SMYD3: variants seen among roughly 807,000 people sequenced by gnomAD.
SMYD3 encodes histone-lysine N-methyltransferase SMYD3.
Under a neutral mutation model 57.7 loss-of-function variants are expected in SMYD3, and 36 were observed. The ratio of observed to expected loss-of-function variants is 0.62; its 90% CI spans 0.48 to 0.82. The LOEUF (loss-of-function observed/expected upper bound fraction) is 0.82. Ranked by LOEUF, SMYD3 falls within the 40% of genes least tolerant of loss-of-function variation. The probability of loss-of-function intolerance (pLI) is 0.00; values close to 1 mark genes in which losing one functional copy is unlikely to be tolerated. For missense variants in SMYD3, 515 were observed against 538.8 expected (o/e 0.96, Z 0.44); for synonymous variants, 211 against 195.0 (o/e 1.08, Z -0.68).
At chr1:246,352,101 C>A (rs1234511639) in intron 2 of SMYD3, among the ~76,000 whole-genome samples, 1 of 135,950 alleles carries the variant, frequency 7.4e-6, no homozygotes, top group African/African-American at 2.8e-5. Flanking sequence ...GGCACCACTG[C>A]ACCCCAGCCT....
chr1:245,993,139 G>A (rs2058842877), intron 5 of SMYD3, among the ~76,000 whole-genome samples: 2 of 152,226 alleles, frequency 1.3e-5, no homozygotes, highest in South Asian at 4.1e-4. Context: ...TCCAGATACT[G>A]TTTGAAGCGT....
intron 5 of SMYD3, among the ~76,000 whole-genome samples, chr1:246,227,197 T>C (rs1399512585): frequency 3.9e-5 from 6 of 152,216 alleles, no homozygotes; most frequent in Non-Finnish European, 1.5e-5. Flanking sequence ...CATGGTTAGA[T>C]GTACTTTCCA....
intron 10 of SMYD3, among the ~76,000 whole-genome samples, chr1:245,822,218 T>C (rs1448308855): frequency 6.6e-6 from 1 of 151,976 alleles, no homozygotes; most frequent in African/African-American, 2.4e-5. Context: ...TATGCAGCCA[T>C]ACAAAATGAT....
intron 1 of SMYD3, among the ~76,000 whole-genome samples, chr1:246,453,908 CTAATAAAGCACTGAAGTTGGGTGAGGAT>C (rs1189005643): frequency 6.6e-6 from 1 of 152,164 alleles, no homozygotes; most frequent in Non-Finnish European, 1.5e-5. Flanking sequence ...ATTTTAACTA[CTAATAAAGCACTGAAGTTGGGTGAGGAT>C]CTGATGGAAC....
chr1:246,463,535 G>A lies in SMYD3; in HGVS notation c.164+43519C>T, dbSNP rs115584338. ...CTAGACAGTTAAATACAAGAGTGTG[G>A]GGCCAGGCACGGTGGCTCACGCCTG... On this transcript the variant is annotated intron_variant, in intron 1 of 11. Transcript: ENST00000490107. 8.1e-3 allele frequency among the ~76,000 whole-genome samples: 1,234 copies of A among 152,010 alleles called. 12 individuals are homozygous for A. The highest frequency in any genetic ancestry group is 0.028 in the African/African-American group (1,155 of 41,468).
intron 5 of SMYD3, among the ~76,000 whole-genome samples, chr1:246,267,214 G>A (rs757693532): frequency 2.0e-4 from 30 of 152,066 alleles, no homozygotes; most frequent in South Asian, 2.1e-4. Context: ...TACATACTTG[G>A]CCAAAGAAGA....
intron 10 of SMYD3, among the ~76,000 whole-genome samples, chr1:245,784,060 G>T (rs1292080121): frequency 6.6e-6 from 1 of 152,200 alleles, no homozygotes; most frequent in Non-Finnish European, 1.5e-5. Flanking sequence ...AAAGGCAAAG[G>T]AACTAGAGCA....
intron 5 of SMYD3, among the ~76,000 whole-genome samples, chr1:245,965,800 A>G (rs987776960): frequency 1.3e-5 from 2 of 152,246 alleles, no homozygotes; most frequent in Non-Finnish European, 2.9e-5. Context: ...TGACGCTCTA[A>G]CAGTGAAGAC....
chr1:246,353,681 C>T (rs978487757), intron 2 of SMYD3, among the ~76,000 whole-genome samples: 1 of 152,156 alleles, frequency 6.6e-6, no homozygotes, highest in Non-Finnish European at 1.5e-5. Flanking sequence ...ACTTCAGAGC[C>T]TACTAGTTAC....
At chr1:246,130,842 G>A (rs1054362860) in intron 5 of SMYD3, among the ~76,000 whole-genome samples, 9 of 151,948 alleles carry the variant, frequency 5.9e-5, no homozygotes, top group South Asian at 2.1e-4. Context: ...GTTCTAAATC[G>A]TCATAATCAT....
At chr1:245,904,989 T>C (rs530936154) in intron 8 of SMYD3, among the ~76,000 whole-genome samples, 2 of 151,984 alleles carry the variant, frequency 1.3e-5, no homozygotes, top group African/African-American at 4.8e-5. Flanking sequence ...AGACATACTC[T>C]GAGCCGGAAG....
At chr1:245,995,540 T>C (rs2058911760) in intron 5 of SMYD3, among the ~76,000 whole-genome samples, 1 of 152,268 alleles carries the variant, frequency 6.6e-6, no homozygotes, top group Non-Finnish European at 1.5e-5. Context: ...TATCAATTTG[T>C]GCTCTTCTCT....
At position 245,759,590 on chromosome 1, in the gene SMYD3, C is replaced by T. The variant is rs1336009944; in HGVS notation, c.1185+4451G>A. Among the ~76,000 whole-genome samples the T allele has an allele frequency of 2.0e-5, 3 of 152,140 alleles. No homozygotes were observed. The East Asian group carries it at 5.8e-4, about 29-fold the overall frequency. On this transcript the variant is annotated intron_variant, in intron 11 of 11. Transcript: ENST00000490107. Reference sequence around the variant, plus strand: ...ACAGAACTGCATGCTCTAAATCAGCCATTGCTGGGGCTGAAAATCAGGGCA... The same window carrying T: ...ACAGAACTGCATGCTCTAAATCAGCTATTGCTGGGGCTGAAAATCAGGGCA...
intron 5 of SMYD3, among the ~76,000 whole-genome samples, chr1:246,151,494 T>A (rs1405818611): frequency 2.0e-5 from 3 of 152,054 alleles, no homozygotes; most frequent in Admixed American, 2.0e-4. Context: ...TTCCCATCTG[T>A]GAAATGAGGA....
intron 1 of SMYD3, among the ~76,000 whole-genome samples, chr1:246,433,206 T>C (rs1392440940): frequency 6.6e-6 from 1 of 152,066 alleles, no homozygotes; most frequent in African/African-American, 2.4e-5. Context: ...AAGATCACAA[T>C]CTCACTTACA....
chr1:246,372,363 T>C (rs2066207138), intron 1 of SMYD3, among the ~76,000 whole-genome samples: 1 of 152,170 alleles, frequency 6.6e-6, no homozygotes, highest in Non-Finnish European at 1.5e-5. Context: ...AGCATATCTT[T>C]TTATTCTATT....
intron 5 of SMYD3, among the ~76,000 whole-genome samples, chr1:245,978,149 C>A (rs568063125): frequency 1.3e-5 from 2 of 152,158 alleles, no homozygotes; most frequent in Non-Finnish European, 2.9e-5. Context: ...GCTTCCAAGT[C>A]GGAACATCCA....
At chr1:246,497,738 T>C (rs2068386009) in intron 1 of SMYD3, among the ~76,000 whole-genome samples, 1 of 152,098 alleles carries the variant, frequency 6.6e-6, no homozygotes, top group Admixed American at 6.6e-5. Context: ...ACGCCTGTGG[T>C]CTCAGCTGCT....
At chr1:245,952,524 C>T (rs2057692154) in intron 5 of SMYD3, among the ~76,000 whole-genome samples, 1 of 152,136 alleles carries the variant, frequency 6.6e-6, no homozygotes, top group Non-Finnish European at 1.5e-5. Flanking sequence ...AAAGCCGATC[C>T]TCAGAAGCAA....
Sources: allele counts gnomAD v4.1 joint callset (sites outside exome capture counted in the v4.1 genomes callset), GRCh38; gene constraint gnomAD v4.1.1; transcripts MANE v1.5; gene names NCBI Gene and HGNC (gene_info 2026-07-23, HGNC 2026-07-21).